IGSF21: variants seen among roughly 807,000 people sequenced by gnomAD.
IGSF21 encodes the protein immunoglobin superfamily member 21.
IGSF21 carries 28 observed loss-of-function variants against 46.8 expected under a neutral mutation model. The observed-to-expected ratio is 0.60, with a 90% CI of 0.44 to 0.82. The LOEUF is 0.82. IGSF21 is among the 40% of genes least tolerant of loss of function. The pLI is 0.00. For missense variants in IGSF21, 624 were observed against 665.5 expected (o/e 0.94, Z 0.69); for synonymous variants, 284 against 273.6 (o/e 1.04, Z -0.38).
chr1:18,150,614 C>T (rs1179174937), intron 1 of IGSF21, among the ~76,000 whole-genome samples: 1 of 152,196 alleles, frequency 6.6e-6, no homozygotes, highest in Non-Finnish European at 1.5e-5. Flanking sequence ...TTCATACCTA[C>T]TTCAGGGCCA....
At chr1:18,259,681 AGT>A (rs1187686469) in intron 2 of IGSF21, among the ~76,000 whole-genome samples, 3 of 152,140 alleles carry the variant, frequency 2.0e-5, no homozygotes, top group African/African-American at 7.2e-5. Context: ...AGGGTGTGTG[AGT>A]GTGTGTGTAC....
chr1:18,232,572 G>T (rs1374919486), intron 2 of IGSF21, among the ~76,000 whole-genome samples: 2 of 152,158 alleles, frequency 1.3e-5, no homozygotes, highest in East Asian at 3.9e-4. Context: ...TGTGTCTCGG[G>T]TCATGTTGCC....
At chr1:18,302,346 A>T (rs2085370781) in intron 3 of IGSF21, among the ~76,000 whole-genome samples, 1 of 152,038 alleles carries the variant, frequency 6.6e-6, no homozygotes, top group Admixed American at 6.5e-5. Flanking sequence ...CACCAAGGCC[A>T]TGAGCAGCCC....
At chr1:18,210,413 A>G (rs944058489) in intron 1 of IGSF21, among the ~76,000 whole-genome samples, 5 of 152,188 alleles carry the variant, frequency 3.3e-5, no homozygotes, top group African/African-American at 7.2e-5. Context: ...CCATGGAGTG[A>G]GTGGATCTAG....
intron 2 of IGSF21, among the ~76,000 whole-genome samples, chr1:18,235,468 G>A (rs1179295611): frequency 1.3e-5 from 2 of 152,190 alleles, no homozygotes; most frequent in African/African-American, 4.8e-5. Context: ...AGATTGTGTG[G>A]TCAGGAAAAG....
chr1:18,229,275 C>T (rs1478249117), intron 2 of IGSF21, among the ~76,000 whole-genome samples: 1 of 152,196 alleles, frequency 6.6e-6, no homozygotes, highest in Non-Finnish European at 1.5e-5. Flanking sequence ...AGATCTAGAG[C>T]TGGCTCCTCT....
chr1:18,136,293 T>A (rs908783823), intron 1 of IGSF21, among the ~76,000 whole-genome samples: 2 of 152,206 alleles, frequency 1.3e-5, no homozygotes, highest in South Asian at 2.1e-4. Context: ...TTGGCTTTTG[T>A]TGCCATTGCT....
chr1:18,153,968 C>A (rs562573936), intron 1 of IGSF21, among the ~76,000 whole-genome samples: 1 of 152,124 alleles, frequency 6.6e-6, no homozygotes, highest in Non-Finnish European at 1.5e-5. Context: ...GAGTCTTGCC[C>A]GCATCACACA....
chr1:18,147,829 T>C (rs1477288996), intron 1 of IGSF21, among the ~76,000 whole-genome samples: 1 of 152,152 alleles, frequency 6.6e-6, no homozygotes, highest in African/African-American at 2.4e-5. Flanking sequence ...CCAAATCTCA[T>C]CTTTAATTGT....
rs1217578802 is a variant in IGSF21 at position 18,109,094 on chromosome 1, G to GT, written c.70+897dup. Among the ~76,000 whole-genome samples the GT allele has an allele frequency of 6.6e-6, 1 of 151,924 alleles. No individual in the cohort carries two copies. The highest frequency in any genetic ancestry group is 1.5e-5 in the Non-Finnish European group (1 of 67,990). On this transcript the variant is annotated intron_variant, in intron 1 of 9. Coordinates refer to ENST00000251296, the MANE Select transcript of IGSF21 (RefSeq NM_032880.5). The surrounding 1 kb of genome is among the most constrained non-coding windows in gnomAD (Gnocchi z 4.8). ...AAGCCGAGCGGGTTCTCCGGAGCCA[G>GT]TGAGAGGTGGCTCCGCAGCCCCAGG...
intron 1 of IGSF21, among the ~76,000 whole-genome samples, chr1:18,203,194 G>A (rs1210810281): frequency 1.3e-5 from 2 of 152,230 alleles, no homozygotes; most frequent in Non-Finnish European, 2.9e-5. Context: ...CTTGTTGCAA[G>A]GCTAGGTGGG....
chr1:18,157,451 G>A (rs1044387502), intron 1 of IGSF21, among the ~76,000 whole-genome samples: 1 of 152,180 alleles, frequency 6.6e-6, no homozygotes, highest in African/African-American at 2.4e-5. Flanking sequence ...GGCCCTGTGC[G>A]TGTGTCTGTC....
chr1:18,272,950 T>A (rs1230949564), intron 2 of IGSF21, among the ~76,000 whole-genome samples: 1 of 151,332 alleles, frequency 6.6e-6, no homozygotes, highest in Non-Finnish European at 1.5e-5. Context: ...TATGCTCAGG[T>A]GGGAGCTGGT....
At chr1:18,256,670 G>A (rs2084895535) in intron 2 of IGSF21, among the ~76,000 whole-genome samples, 1 of 152,210 alleles carries the variant, frequency 6.6e-6, no homozygotes, top group African/African-American at 2.4e-5. Context: ...GGGCCTGCTG[G>A]TTTGCGGAGG....
At chr1:18,117,363 G>A (rs2086197158) in intron 1 of IGSF21, among the ~76,000 whole-genome samples, 2 of 152,200 alleles carry the variant, frequency 1.3e-5, no homozygotes, top group South Asian at 2.1e-4. Flanking sequence ...CAAGAGTGAA[G>A]GGAGGAGGAG....
intron 2 of IGSF21, among the ~76,000 whole-genome samples, chr1:18,239,208 C>T (rs533703453): frequency 1.3e-5 from 2 of 151,904 alleles, no homozygotes; most frequent in Non-Finnish European, 1.5e-5. Flanking sequence ...CTTAACTTGT[C>T]GGAAAAGGAT....
intron 2 of IGSF21, among the ~76,000 whole-genome samples, chr1:18,255,194 G>C (rs1443977160): frequency 1.3e-5 from 2 of 152,162 alleles, no homozygotes; most frequent in Non-Finnish European, 2.9e-5. Flanking sequence ...CTGAGGCTTG[G>C]AGGAGGGGGC....
chr1:18,188,748 C>T (rs2086927516), intron 1 of IGSF21, among the ~76,000 whole-genome samples: 1 of 152,150 alleles, frequency 6.6e-6, no homozygotes, highest in Admixed American at 6.5e-5. Context: ...TATTATGGTC[C>T]CCATATACAC....
intron 4 of IGSF21, among the ~76,000 whole-genome samples, chr1:18,338,135 G>A (rs1454093139): frequency 6.6e-6 from 1 of 152,182 alleles, no homozygotes; most frequent in African/African-American, 2.4e-5. Flanking sequence ...GGTTAAAGGA[G>A]ATAATCTATA....
Sources: allele counts gnomAD v4.1 joint callset (sites outside exome capture counted in the v4.1 genomes callset), GRCh38; gene constraint gnomAD v4.1.1; non-coding constraint Gnocchi (gnomAD v3.1); transcripts MANE v1.5; gene names NCBI Gene and HGNC (gene_info 2026-07-23, HGNC 2026-07-21).